Variants in PPFIA2 observed in about 807,000 individuals in gnomAD.
PPFIA2 encodes PPFI scaffold protein A2, also known as liprin-alpha-2.
PPFIA2 carries 46 observed loss-of-function variants against 175.5 expected under a neutral mutation model. The ratio of observed to expected loss-of-function variants is 0.26; its 90% CI spans 0.21 to 0.34. The LOEUF (loss-of-function observed/expected upper bound fraction) is 0.34, where lower values mean the gene tolerates loss of function less well. Ranked by LOEUF, PPFIA2 falls within the 10% of genes least tolerant of loss-of-function variation. PPFIA2 has a pLI of 1.00. For synonymous variants in PPFIA2, 568 were observed against 511.4 expected (o/e 1.11, Z -1.49); for missense variants, 1,179 against 1,506.1 (o/e 0.78, Z 3.60).
intron 11 of PPFIA2, among the ~76,000 whole-genome samples, chr12:81,370,185 A>G (rs1377816267): frequency 6.6e-6 from 1 of 151,880 alleles, no homozygotes; most frequent in African/African-American, 2.4e-5. Context: ...AATTTGGAAC[A>G]AAATTTATTC....
chr12:81,331,687 A>ACATG (rs1234677131), intron 21 of PPFIA2, among the ~76,000 whole-genome samples: 1 of 152,216 alleles, frequency 6.6e-6, no homozygotes, highest in Non-Finnish European at 1.5e-5. Context: ...GCATTTTTAT[A>ACATG]CATGCAATTG....
At chr12:81,657,567 A>G (rs2067992953) in intron 4 of PPFIA2, among the ~76,000 whole-genome samples, 3 of 152,196 alleles carry the variant, frequency 2.0e-5, no homozygotes, top group Admixed American at 6.5e-5. Flanking sequence ...CTACACAGTC[A>G]CAGGGAGGAT....
rs561169314 is a variant in PPFIA2, at chr12:81,742,313, A to C, written c.249+11660T>G. Among the ~76,000 whole-genome samples, 261 of 152,338 alleles carry C rather than the reference A, an allele frequency of 1.7e-3. 1 individual carries two copies. The highest frequency in any genetic ancestry group is 6.2e-3 in the African/African-American group (256 of 41,576). ...CTCTGAATTATATCGATGAGCTACA[A>C]GGACACAAGCAAGGAGAACAGTTAG... is the stretch of plus-strand genomic sequence containing the variant. On this transcript the variant is annotated intron_variant, in intron 3 of 32. Transcript: ENST00000549396.
At chr12:81,274,512 CTTCTT>C (rs1470467776) in intron 28 of PPFIA2, among the ~76,000 whole-genome samples, 1 of 151,662 alleles carries the variant, frequency 6.6e-6, no homozygotes, top group African/African-American at 2.4e-5. Flanking sequence ...GAACAAAATA[CTTCTT>C]TTTTTTTTCA....
intron 3 of PPFIA2, among the ~76,000 whole-genome samples, chr12:81,731,860 G>T (rs550811201): frequency 6.6e-6 from 1 of 151,702 alleles, no homozygotes; most frequent in South Asian, 2.1e-4. Flanking sequence ...TTAAAACTAT[G>T]CCTGGAGTTC....
At chr12:81,454,428 T>C (rs1658224724) in intron 5 of PPFIA2, among the ~76,000 whole-genome samples, 1 of 152,132 alleles carries the variant, frequency 6.6e-6, no homozygotes, top group African/African-American at 2.4e-5. Context: ...CTTACTACCT[T>C]AGTTTTCTCT....
intron 1 of PPFIA2, chr12:81,758,839 T>G (rs2153672378): frequency 6.3e-6 from 1 of 159,362 alleles, no homozygotes; most frequent in East Asian, 1.8e-4. Flanking sequence ...TTTCAGAAAC[T>G]TAACCACGCG....
chr12:81,369,498 T>C, intron 11 of PPFIA2: 1 of 1,139,730 alleles, frequency 8.8e-7, no homozygotes, highest in South Asian at 1.7e-5. Flanking sequence ...CTTAAGCTCC[T>C]GAAGCACTGA....
rs191372388 is a variant in PPFIA2 at position 81,353,199 on chromosome 12, G to C, written c.1914C>G (p.Leu638=). The part of the protein sequence containing the change: ...RETIFSSMDL[L]SPSGHSDAQT... ...GGGCATCGGAATGACCACTTGGAGA[G>C]AGAAGATCCATTGAGCTAAAAATTG... The change falls in exon 17 of 33, where the codon CTC becomes CTG. Residue 638 remains leucine (L), a synonymous_variant. Coordinates refer to ENST00000549396, the MANE Select transcript of PPFIA2 (RefSeq NM_003625.5). The C allele has an allele frequency of 3.0e-4, 481 of 1,613,810 alleles. No homozygotes were observed. Among genetic ancestry groups the C allele is most frequent in the Non-Finnish European group, 3.8e-5 (45 of 1,179,812 alleles).
chr12:81,690,743 G>T (rs1055622262), intron 3 of PPFIA2, among the ~76,000 whole-genome samples: 1 of 152,046 alleles, frequency 6.6e-6, no homozygotes, highest in East Asian at 1.9e-4. Context: ...AGATTTGAAG[G>T]TTAGAATCTA....
intron 3 of PPFIA2, among the ~76,000 whole-genome samples, chr12:81,719,627 C>T (rs1015236896): frequency 2.0e-5 from 3 of 151,482 alleles, no homozygotes; most frequent in Non-Finnish European, 4.4e-5. Flanking sequence ...TTTAACTGAA[C>T]ATCTTTATAT....
rs567889654 is a variant in PPFIA2, at chr12:81,318,390, T to C, written c.2642+7387A>G. ...AGGCATTGCTCATTTGCCTACCTTG[T>C]AGAAAGTTTTTTCTTAGGAGCTACA... is the stretch of plus-strand genomic sequence containing the variant. On this transcript the variant is annotated intron_variant, in intron 22 of 32. Transcript: ENST00000549396. Among the ~76,000 whole-genome samples the C allele has an allele frequency of 3.3e-5, 5 of 151,896 alleles. No individual in the cohort carries two copies. In the East Asian group the frequency reaches 7.7e-4, roughly 23 times the overall value.
At chr12:81,443,980 C>G (rs918829555) in intron 6 of PPFIA2, among the ~76,000 whole-genome samples, 5 of 149,616 alleles carry the variant, frequency 3.3e-5, no homozygotes, top group African/African-American at 1.2e-4. Context: ...TCAGCCTCCC[C>G]AGTAGCTGGG....
chr12:81,714,598 T>C (rs1308958490), intron 3 of PPFIA2, among the ~76,000 whole-genome samples: 1 of 150,964 alleles, frequency 6.6e-6, no homozygotes, highest in Non-Finnish European at 1.5e-5. Context: ...AGAGTGGTTA[T>C]AGAAAGAAAA....
chr12:81,707,883 G>GA (rs1169307760), intron 3 of PPFIA2, among the ~76,000 whole-genome samples: 1 of 151,370 alleles, frequency 6.6e-6, no homozygotes, highest in Non-Finnish European at 1.5e-5. Flanking sequence ...GGACATGGAT[G>GA]AAATTGGAAA....
intron 22 of PPFIA2, among the ~76,000 whole-genome samples, chr12:81,320,689 T>C (rs761297620): frequency 6.6e-6 from 1 of 152,044 alleles, no homozygotes; most frequent in Non-Finnish European, 1.5e-5. Context: ...CATTAGCAGA[T>C]AAAGAATTAA....
At chr12:81,594,398 C>A (rs944984016) in intron 4 of PPFIA2, among the ~76,000 whole-genome samples, 3 of 152,084 alleles carry the variant, frequency 2.0e-5, no homozygotes, top group Admixed American at 6.6e-5. Flanking sequence ...AATGGCTAAA[C>A]AAATAAATAA....
intron 27 of PPFIA2, 22 bp downstream of exon 27, chr12:81,281,234 GA>G (rs750050435): frequency 3.6e-5 from 53 of 1,487,874 alleles, no homozygotes; most frequent in African/African-American, 3.4e-4. Context: ...ATTCTTTGGG[GA>G]AAAAAAAGAA....
At chr12:81,421,767 A>C (rs142813227) in intron 7 of PPFIA2, among the ~76,000 whole-genome samples, 1,798 of 152,140 alleles carry the variant, frequency 0.012, 16 homozygotes, top group Non-Finnish European at 0.017. Context: ...TAAAGGAAAA[A>C]AATAATATAA....
Sources: gnomAD v4.1 joint callset for allele counts (sites outside exome capture counted in the v4.1 genomes callset) on GRCh38, gnomAD v4.1.1 for gene constraint, MANE v1.5 for transcripts, NCBI Gene and HGNC (gene_info 2026-07-23, HGNC 2026-07-21) for gene names.